Variants in TRPA1 observed in about 807,000 individuals in gnomAD.
The protein encoded by TRPA1 is ankyrin-like with transmembrane domains 1.
In TRPA1, 129 loss-of-function variants were observed where a neutral mutation model predicts 131.3. The ratio of observed to expected loss-of-function variants is 0.98; its 90% CI spans 0.85 to 1.14. The LOEUF (loss-of-function observed/expected upper bound fraction) is 1.14. Among genes scored for constraint, TRPA1 ranks in the 50% most tolerant of loss-of-function variants. The pLI, the probability that TRPA1 is intolerant of heterozygous loss-of-function variation, is 0.00. For missense variants in TRPA1, 1,304 were observed against 1,354.2 expected (o/e 0.96, Z 0.58); for synonymous variants, 441 against 451.7 (o/e 0.98, Z 0.30).
chr8:72,048,154 T>C (rs1254988900), intron 15 of TRPA1, among the ~76,000 whole-genome samples: 1 of 152,132 alleles, frequency 6.6e-6, no homozygotes, highest in Non-Finnish European at 1.5e-5. Context: ...GCCACCTCTA[T>C]GGTGTGTGGG....
chr8:72,029,063 G>A (rs1811709977), intron 24 of TRPA1, among the ~76,000 whole-genome samples: 1 of 152,178 alleles, frequency 6.6e-6, no homozygotes, highest in South Asian at 2.1e-4. Flanking sequence ...TGTGTTGTAT[G>A]ACAGGAAGGC....
intron 22 of TRPA1, 95 bp downstream of exon 22, chr8:72,034,153 T>C (rs964891058): frequency 1.6e-6 from 2 of 1,259,142 alleles, no homozygotes; most frequent in Non-Finnish European, 2.2e-6. Context: ...TGTTGTTATG[T>C]AATTATGCAT....
At chr8:72,087,184 T>C in the TRPA1 span, among the ~76,000 whole-genome samples, 4 of 152,172 alleles carry the variant, frequency 2.6e-5, no homozygotes, top group African/African-American at 4.8e-5. Context: ...CTGGCTGTAA[T>C]TGGGTTATGA....
intron 8 of TRPA1, among the ~76,000 whole-genome samples, chr8:72,058,076 T>C (rs1299684652): frequency 6.6e-6 from 1 of 152,192 alleles, no homozygotes; most frequent in Admixed American, 6.5e-5. Context: ...TGGCAATAGC[T>C]CTTGTTACCG....
rs757940972 is a variant in TRPA1, at chr8:72,075,289, C to G, written c.111+10G>C. 7 of 1,609,838 alleles carry G rather than the reference C, an allele frequency of 4.3e-6. No individual in the cohort carries two copies. The highest frequency in any genetic ancestry group is 5.9e-6 in the Non-Finnish European group (7 of 1,176,830). Reference sequence around the variant, plus strand: ...CGGAACCCCTCCAGACCCGCGAGCCCCCAGAGTACCTTAAGCGATTCCTTG... The same window carrying G: ...CGGAACCCCTCCAGACCCGCGAGCCGCCAGAGTACCTTAAGCGATTCCTTG... On this transcript the variant is annotated intron_variant, in intron 1 of 26. Transcript: ENST00000262209.
At chr8:72,088,889 C>G in the TRPA1 span, among the ~76,000 whole-genome samples, 1 of 152,026 alleles carries the variant, frequency 6.6e-6, no homozygotes, top group Non-Finnish European at 1.5e-5. Flanking sequence ...CTCTTGGCAA[C>G]CATGATCTAG....
At chr8:72,041,325 G>A (rs1812244457) in intron 17 of TRPA1, 1 of 151,936 alleles carries the variant, frequency 6.6e-6, no homozygotes, top group South Asian at 2.1e-4. Context: ...GTTCAATAAG[G>A]AAACAGAAGA....
In TRPA1 at chr8:72,038,047, A is replaced by G; in HGVS notation, c.2321T>C (p.Met774Thr). Residue 774 changes from methionine to threonine, a missense_variant, in exon 20 of 27, where the codon ATG becomes ACG. Transcript: ENST00000262209. ...TATACTTGATAAAAACACTAAAATC[A>G]TACAAGTTTTTATTAGATATGAATT... ...TTNSYLIKTC[M>T]ILVFLSSIFG... is the part of the protein sequence containing the mutation. The G allele has an allele frequency of 6.3e-7, 1 of 1,589,330 alleles. No individual in the cohort carries two copies. Among genetic ancestry groups the G allele is most frequent in the Non-Finnish European group, 8.6e-7 (1 of 1,159,560 alleles).
chr8:72,046,667 A>G, intron 16 of TRPA1, 59 bp from the exon 17 acceptor site: 1 of 868,924 alleles, frequency 1.2e-6, no homozygotes, highest in South Asian at 1.6e-5. Flanking sequence ...TAGAATCCCC[A>G]AAGTAATTCT....
chr8:72,066,381 C>A (rs574540578), intron 3 of TRPA1, among the ~76,000 whole-genome samples: 1 of 152,146 alleles, frequency 6.6e-6, no homozygotes, highest in Non-Finnish European at 1.5e-5. Flanking sequence ...TTTCCTCCTG[C>A]AGAAAGACTA....
At chr8:72,032,971 G>T (rs1811888497) in intron 23 of TRPA1, among the ~76,000 whole-genome samples, 1 of 152,200 alleles carries the variant, frequency 6.6e-6, no homozygotes, top group South Asian at 2.1e-4. Flanking sequence ...CCTGGAATGG[G>T]ATGCACCTTT....
chr8:72,036,439 C>T lies in TRPA1; in HGVS notation c.2404G>A (p.Asp802Asn). The T allele has an allele frequency of 3.1e-6, 5 of 1,613,588 alleles. No individual in the cohort carries two copies. The highest frequency in any genetic ancestry group is 4.2e-6 in the Non-Finnish European group (5 of 1,179,738). Residue 802 changes from aspartate (D) to asparagine (N), a missense_variant, in exon 21 of 27, where the codon GAT becomes AAT. By Grantham distance (23) the Asp-to-Asn change is conservative. Coordinates refer to ENST00000262209, the MANE Select transcript of TRPA1 (RefSeq NM_007332.3). ...ATCCATTCAAGAACATTGCTTATAT[C>T]CATAAAATAATTCCTTTTCTGGGAT... Reference protein sequence around the residue: ...IFQQKRNYFMDISNVLEWIIY... With the variant: ...IFQQKRNYFMNISNVLEWIIY...
chr8:72,057,015 C>G lies in TRPA1; in HGVS notation c.1096G>C (p.Ala366Pro). 3.1e-6 allele frequency: 5 copies of G among 1,593,582 alleles called. No individual in the cohort carries two copies. Among genetic ancestry groups the G allele is most frequent in the Non-Finnish European group, 4.3e-6 (5 of 1,166,790 alleles). Residue 366 changes from alanine to proline, a missense_variant and splice_region_variant, in exon 10 of 27, where the codon GCC (alanine) becomes CCC (proline). Physicochemically the swap from Ala to Pro is conservative, Grantham distance 27. Coordinates refer to ENST00000262209, the MANE Select transcript of TRPA1 (RefSeq NM_007332.3). ...AAATTATCTTTTATGTCTACTTGGG[C>G]ACCTAAAAAAAAACACTATGTAAAT... Reference protein sequence around the residue: ...NIVNLLLSKGAQVDIKDNFGR... With the variant: ...NIVNLLLSKGPQVDIKDNFGR...
intron 15 of TRPA1, among the ~76,000 whole-genome samples, chr8:72,048,987 G>A (rs555611964): frequency 2.2e-4 from 33 of 152,240 alleles, no homozygotes; most frequent in African/African-American, 7.5e-4. Context: ...TTCAACAACT[G>A]TAACTACAGA....
chr8:72,033,294 C>G (rs941987446), intron 23 of TRPA1, among the ~76,000 whole-genome samples: 1 of 152,218 alleles, frequency 6.6e-6, no homozygotes, highest in African/African-American at 2.4e-5. Flanking sequence ...TTATCAACCC[C>G]ATGACATTAT....
chr8:72,057,104 T>C (rs1002596262), intron 9 of TRPA1, 87 bp from the exon 10 acceptor site: 4 of 1,054,490 alleles, frequency 3.8e-6, no homozygotes, highest in Non-Finnish European at 5.6e-6. Context: ...AAAAAAAAAT[T>C]TGACTAAAAA....
intron 14 of TRPA1, among the ~76,000 whole-genome samples, chr8:72,052,002 T>C (rs1039832788): frequency 6.6e-5 from 10 of 152,252 alleles, no homozygotes; most frequent in African/African-American, 2.4e-4. Flanking sequence ...TGAAGGAGTA[T>C]AATTGGATTG....
intron 3 of TRPA1, 48 bp downstream of exon 3, chr8:72,068,975 G>C (rs1805991675): frequency 6.2e-7 from 1 of 1,605,930 alleles, no homozygotes; most frequent in African/African-American, 1.3e-5. Context: ...CTGGGTCCCA[G>C]CACCTGCACC....
chr8:72,086,142 C>G, the TRPA1 span, among the ~76,000 whole-genome samples: 1 of 152,208 alleles, frequency 6.6e-6, no homozygotes, highest in Non-Finnish European at 1.5e-5. Flanking sequence ...ATCTCGTGAT[C>G]CACCCGCCTC....
Sources: gnomAD v4.1 joint callset for allele counts (sites outside exome capture counted in the v4.1 genomes callset) on GRCh38, gnomAD v4.1.1 for gene constraint, MANE v1.5 for transcripts, NCBI Gene and HGNC (gene_info 2026-07-23, HGNC 2026-07-21) for gene names.